Variants in SLC23A2 observed in about 807,000 individuals in gnomAD.
SLC23A2 encodes the protein Na(+)/L-ascorbic acid transporter 2.
In SLC23A2, 36 loss-of-function variants were observed where a neutral mutation model predicts 73.3. The observed-to-expected ratio is 0.49, with a 90% CI of 0.38 to 0.65. The LOEUF (loss-of-function observed/expected upper bound fraction) is 0.65. Among genes scored for constraint, SLC23A2 ranks in the 30% least tolerant of loss-of-function variants. SLC23A2 has a pLI of 0.00. For synonymous variants in SLC23A2, 343 were observed against 327.3 expected, an observed-to-expected ratio of 1.05 and a Z score of -0.52; for missense variants, 507 against 841.6, an observed-to-expected ratio of 0.60 and a Z score of 4.92.
intron 9 of SLC23A2, among the ~76,000 whole-genome samples, chr20:4,876,280 C>G (rs1930652269): frequency 6.6e-6 from 1 of 152,154 alleles, no homozygotes; most frequent in African/African-American, 2.4e-5. Context: ...GTTTTGTCAT[C>G]ATTATTTCAG....
At chr20:4,957,836 A>T (rs1170165212) in intron 2 of SLC23A2, among the ~76,000 whole-genome samples, 4 of 150,338 alleles carry the variant, frequency 2.7e-5, no homozygotes, top group African/African-American at 7.4e-5. Flanking sequence ...GGAATGCAGA[A>T]GTTGCAGTGA....
At chr20:4,858,523 T>C (rs1305289488) in intron 16 of SLC23A2, among the ~76,000 whole-genome samples, 1 of 147,300 alleles carries the variant, frequency 6.8e-6, no homozygotes, top group African/African-American at 2.6e-5. Flanking sequence ...AATCTCTTGA[T>C]TGAGGTTTTT....
rs1259474841 is a variant in SLC23A2, at chr20:4,981,681, CCTTT to C, written c.-281-10766_-281-10763del. On this transcript the variant is annotated intron_variant, in intron 1 of 16. Coordinates refer to ENST00000338244, the MANE Select transcript of SLC23A2 (RefSeq NM_005116.6). ...TGGCAATTCCCTCCCTCCCTCCCTCCCTTTCTTTCTTTCTTCCTTCCTTCCTTTC... is the reference window on the plus strand; with the variant it reads ...TGGCAATTCCCTCCCTCCCTCCCTCCCTTTCTTTCTTCCTTCCTTCCTTTC... Among the ~76,000 whole-genome samples the C allele has an allele frequency of 1.1e-4, 16 of 151,686 alleles. 1 individual carries two copies. In the South Asian group the frequency reaches 2.7e-3, roughly 26 times the overall value.
intron 2 of SLC23A2, among the ~76,000 whole-genome samples, chr20:4,937,657 T>C (rs1312780542): frequency 6.6e-6 from 1 of 152,222 alleles, no homozygotes; most frequent in Non-Finnish European, 1.5e-5. Flanking sequence ...CTATAGGCAG[T>C]AGAACAGGAT....
intron 3 of SLC23A2, among the ~76,000 whole-genome samples, chr20:4,921,604 A>C (rs1278246958): frequency 1.9e-4 from 28 of 146,272 alleles, no homozygotes; most frequent in Admixed American, 5.5e-4. Context: ...ATCACAACCA[A>C]AAAAAAAAAA....
chr20:4,876,677 C>T (rs1044305044), intron 9 of SLC23A2, among the ~76,000 whole-genome samples: 2 of 152,156 alleles, frequency 1.3e-5, no homozygotes, highest in Non-Finnish European at 2.9e-5. Context: ...GTAATACATA[C>T]TAAATTGTAC....
chr20:5,009,150 C>T (rs2088222225), intron 1 of SLC23A2, among the ~76,000 whole-genome samples: 1 of 152,160 alleles, frequency 6.6e-6, no homozygotes. Flanking sequence ...AGGATAATCT[C>T]TCTTCTTTTG....
chr20:4,929,085 T>A (rs893685682), intron 3 of SLC23A2, among the ~76,000 whole-genome samples: 23 of 151,964 alleles, frequency 1.5e-4, no homozygotes, highest in Non-Finnish European at 8.8e-5. Context: ...ATGCCATCTC[T>A]AAATTTAAAA....
intron 1 of SLC23A2, among the ~76,000 whole-genome samples, chr20:5,000,839 CG>C (rs1460131228): frequency 1.3e-5 from 2 of 152,212 alleles, no homozygotes; most frequent in Non-Finnish European, 2.9e-5. Flanking sequence ...AGAAAGGCCC[CG>C]GGGTCGGAGG....
chr20:4,983,791 T>C (rs931795373), intron 1 of SLC23A2, among the ~76,000 whole-genome samples: 2 of 151,152 alleles, frequency 1.3e-5, no homozygotes, highest in African/African-American at 4.9e-5. Context: ...ACCCCATCTC[T>C]ACTAAAAATA....
intron 3 of SLC23A2, 27 bp from the exon 4 acceptor site, chr20:4,913,005 G>A (rs775226502): frequency 1.4e-6 from 2 of 1,472,162 alleles, no homozygotes; most frequent in Non-Finnish European, 1.9e-6. Flanking sequence ...CTTAGAGGCT[G>A]TTTCAGCGTG....
At chr20:4,879,783 T>A (rs1281721346) in intron 9 of SLC23A2, among the ~76,000 whole-genome samples, 1 of 152,256 alleles carries the variant, frequency 6.6e-6, no homozygotes, top group Admixed American at 6.5e-5. Context: ...TGACGCATTA[T>A]GCCTTGTTCT....
intron 2 of SLC23A2, 76 bp from the exon 3 acceptor site, chr20:4,932,792 C>T (rs1002483265): frequency 2.1e-6 from 1 of 465,464 alleles, no homozygotes; most frequent in Non-Finnish European, 3.8e-6. Flanking sequence ...GAGTTTCTTG[C>T]ACAGTAAAAA....
upstream of SLC23A2, among the ~76,000 whole-genome samples, chr20:5,001,870 G>C (rs558990282): frequency 1.7e-4 from 26 of 152,158 alleles, no homozygotes; most frequent in Non-Finnish European, 3.1e-4. Flanking sequence ...CATTGCTCGA[G>C]CGTGATAAGC....
chr20:4,944,009 C>T (rs764537723), intron 2 of SLC23A2, among the ~76,000 whole-genome samples: 3 of 152,118 alleles, frequency 2.0e-5, no homozygotes, highest in Non-Finnish European at 4.4e-5. Context: ...AAAGGGCTCC[C>T]CAGGGAAAGG....
intron 2 of SLC23A2, among the ~76,000 whole-genome samples, chr20:4,946,290 A>G (rs951665485): frequency 2.0e-4 from 30 of 152,300 alleles, no homozygotes; most frequent in African/African-American, 5.8e-4. Flanking sequence ...CAGGGCCCCA[A>G]GAGGGGTCCT....
Position 4,947,712 on chromosome 20 carries a change from T to A in SLC23A2, c.-154-14996A>T, listed in dbSNP as rs1444043474. Among the ~76,000 whole-genome samples, 1 of 152,138 alleles carries A rather than the reference T, an allele frequency of 6.6e-6. No individual in the cohort carries two copies. The highest frequency in any genetic ancestry group is 1.5e-5 in the Non-Finnish European group (1 of 68,022). On this transcript the variant is annotated intron_variant, in intron 2 of 16. Transcript: ENST00000338244. The surrounding 1 kb of genome is among the most constrained non-coding windows in gnomAD (Gnocchi z 4.4). Reference sequence around the variant, plus strand: ...AGGGCCAATGTTGTGGGTCCAACAATCATTCTGGAAGACAAACGTTGTTCG... The same window carrying A: ...AGGGCCAATGTTGTGGGTCCAACAAACATTCTGGAAGACAAACGTTGTTCG...
At chr20:4,889,462 C>A (rs552092004) in intron 6 of SLC23A2, among the ~76,000 whole-genome samples, 2 of 152,066 alleles carry the variant, frequency 1.3e-5, no homozygotes, top group East Asian at 1.9e-4. Context: ...CGTAGGAGAA[C>A]TGGGAGAGGT....
intron 4 of SLC23A2, among the ~76,000 whole-genome samples, chr20:4,903,130 T>C (rs188642000): frequency 6.6e-5 from 10 of 152,284 alleles, no homozygotes; most frequent in Admixed American, 5.9e-4. Context: ...GAATTCTGTT[T>C]AAAAAACAAA....
Sources: gnomAD v4.1 joint callset for allele counts (sites outside exome capture counted in the v4.1 genomes callset) on GRCh38, gnomAD v4.1.1 for gene constraint, Gnocchi (gnomAD v3.1) non-coding constraint, MANE v1.5 for transcripts, NCBI Gene and HGNC (gene_info 2026-07-23, HGNC 2026-07-21) for gene names.